The following DNAJC1 variants were observed in gnomAD, a reference collection of about 807,000 sequenced individuals.
The protein encoded by DNAJC1 is dnaJ homolog subfamily C member 1.
Under a neutral mutation model 76.6 loss-of-function variants are expected in DNAJC1, and 58 were observed. That is an observed-to-expected ratio of 0.76 (90% CI 0.61 to 0.94). The LOEUF is 0.94. Ranked by LOEUF, DNAJC1 falls within the 40% of genes least tolerant of loss-of-function variation. The probability of loss-of-function intolerance (pLI) is 0.00; values close to 1 mark genes in which losing one functional copy is unlikely to be tolerated. For missense variants in DNAJC1, 689 were observed against 677.3 expected, an observed-to-expected ratio of 1.02 and a Z score of -0.19; for synonymous variants, 258 against 267.9, an observed-to-expected ratio of 0.96 and a Z score of 0.36.
chr10:21,825,544 C>T (rs1192204391), intron 8 of DNAJC1, among the ~76,000 whole-genome samples: 2 of 152,172 alleles, frequency 1.3e-5, no homozygotes, highest in African/African-American at 4.8e-5. Flanking sequence ...GAGTGTACAC[C>T]TATGAGCGGA....
chr10:21,825,219 C>T (rs1042298784), intron 8 of DNAJC1, among the ~76,000 whole-genome samples: 26 of 152,200 alleles, frequency 1.7e-4, no homozygotes, highest in African/African-American at 5.8e-4. Context: ...TAAACAATAA[C>T]CCCCTGTCTC....
chr10:21,781,850 T>C (rs1218691043), intron 9 of DNAJC1, among the ~76,000 whole-genome samples: 2 of 150,556 alleles, frequency 1.3e-5, no homozygotes, highest in African/African-American at 2.5e-5. Flanking sequence ...TTGAAACCAA[T>C]GAGAACAAAG....
At chr10:21,800,228 T>C (rs1834798752) in intron 9 of DNAJC1, among the ~76,000 whole-genome samples, 1 of 152,170 alleles carries the variant, frequency 6.6e-6, no homozygotes, top group African/African-American at 2.4e-5. Context: ...CAAAGATCAA[T>C]ACTATAACAC....
At chr10:21,833,923 G>A (rs1835403824) in intron 8 of DNAJC1, among the ~76,000 whole-genome samples, 1 of 152,124 alleles carries the variant, frequency 6.6e-6, no homozygotes, top group Non-Finnish European at 1.5e-5. Flanking sequence ...TCAGACAGGG[G>A]AAAGATCACT....
chr10:21,774,615 A>G (rs751300344), intron 9 of DNAJC1, among the ~76,000 whole-genome samples: 2 of 152,062 alleles, frequency 1.3e-5, no homozygotes, highest in Non-Finnish European at 2.9e-5. Context: ...GCTGGGACTA[A>G]AGGCGCCCAC....
intron 1 of DNAJC1, among the ~76,000 whole-genome samples, chr10:21,999,699 C>A (rs1010961011): frequency 6.6e-6 from 1 of 151,978 alleles, no homozygotes; most frequent in Non-Finnish European, 1.5e-5. Flanking sequence ...GTGATCCACC[C>A]GCCTCAGCCT....
At chr10:21,828,305 C>T (rs576956982) in intron 8 of DNAJC1, among the ~76,000 whole-genome samples, 2 of 152,206 alleles carry the variant, frequency 1.3e-5, no homozygotes, top group South Asian at 4.1e-4. Context: ...AGATCAGAAA[C>T]TTAGAATCAA....
intron 1 of DNAJC1, among the ~76,000 whole-genome samples, chr10:21,994,745 C>G (rs766014130): frequency 7.2e-5 from 11 of 151,878 alleles, no homozygotes; most frequent in South Asian, 4.1e-4. Flanking sequence ...AAGCCGAGAT[C>G]GCGCCACTGC....
chr10:21,860,769 A>G lies in DNAJC1; in HGVS notation c.978+21513T>C, dbSNP rs76787385. Reference sequence around the variant, plus strand: ...CTAGAATTCAAGTCTCCCAACCTTTAGAGACCAGGATCTTGTCTCCCACTC... The same window carrying G: ...CTAGAATTCAAGTCTCCCAACCTTTGGAGACCAGGATCTTGTCTCCCACTC... On this transcript the variant is annotated intron_variant, in intron 8 of 11. Coordinates refer to ENST00000376980, the MANE Select transcript of DNAJC1 (RefSeq NM_022365.4). 9.4e-3 allele frequency: 1,494 copies of G among 158,768 alleles called. 18 individuals are homozygous for G. Among genetic ancestry groups the G allele is most frequent in the African/African-American group, 0.034 (1,419 of 41,620 alleles). The allele number at this position is 158,768 out of a possible 1,614,324, so 9.8% of individuals were successfully genotyped here.
chr10:21,952,613 T>C (rs1837617543), intron 1 of DNAJC1, among the ~76,000 whole-genome samples: 1 of 152,148 alleles, frequency 6.6e-6, no homozygotes, highest in Non-Finnish European at 1.5e-5. Flanking sequence ...ACAAAAATTA[T>C]CCAGGCATAG....
intron 9 of DNAJC1, among the ~76,000 whole-genome samples, chr10:21,786,491 G>GAGAGAGAGAGAGAGAGAGAGAGAC (rs1387218789): frequency 2.1e-5 from 3 of 143,124 alleles, no homozygotes; most frequent in Admixed American, 7.0e-5. Context: ...GAGAGAGAGA[G>GAGAGAGAGAGAGAGAGAGAGAGAC]AGAGAGAGAG....
At chr10:21,834,261 C>T (rs539420343) in intron 8 of DNAJC1, among the ~76,000 whole-genome samples, 6 of 151,310 alleles carry the variant, frequency 4.0e-5, no homozygotes, top group African/African-American at 1.5e-4. Flanking sequence ...AAGACTCCAT[C>T]TCAAAAAAAA....
At position 21,756,714 on chromosome 10, in the gene DNAJC1, G is replaced by T; in HGVS notation, c.1638C>A (p.Val546=). The T allele has an allele frequency of 6.2e-7, 1 of 1,613,378 alleles. No individual in the cohort carries two copies. Among genetic ancestry groups the T allele is most frequent in the South Asian group, 1.1e-5 (1 of 91,046 alleles). ...AGCTTTTAGCTTGTTTTTTCTTTTG[G>T]ACCAGTTCAACCAGCAACTTGTACC... ...IARYKLLVEL[V]QKKKQAKS Residue 546 remains valine (V), a synonymous_variant, in exon 12 of 12, where the codon GTC becomes GTA. Transcript: ENST00000376980.
chr10:21,772,207 C>T (rs537123025), intron 9 of DNAJC1, among the ~76,000 whole-genome samples: 17 of 144,236 alleles, frequency 1.2e-4, no homozygotes, highest in Non-Finnish European at 2.4e-4. Context: ...CTTGTGATGT[C>T]TTTGGTTTTG....
intron 8 of DNAJC1, among the ~76,000 whole-genome samples, chr10:21,811,276 A>C (rs1264578604): frequency 6.6e-6 from 1 of 152,214 alleles, no homozygotes. Context: ...ATTGACTCTC[A>C]TAGCACCCAC....
chr10:21,895,968 C>A (rs1200369238), intron 7 of DNAJC1, among the ~76,000 whole-genome samples: 1 of 152,212 alleles, frequency 6.6e-6, no homozygotes, highest in Non-Finnish European at 1.5e-5. Context: ...CTTCAGGGGG[C>A]ACAAGCAGTA....
chr10:21,985,956 G>A (rs369214884), intron 1 of DNAJC1, among the ~76,000 whole-genome samples: 23 of 152,030 alleles, frequency 1.5e-4, no homozygotes, highest in African/African-American at 4.1e-4. Flanking sequence ...GGCCGGGCAC[G>A]GTGGCTCACG....
At chr10:21,874,393 A>G (rs531142106) in intron 8 of DNAJC1, among the ~76,000 whole-genome samples, 5 of 152,152 alleles carry the variant, frequency 3.3e-5, no homozygotes, top group African/African-American at 9.6e-5. Flanking sequence ...GTGCTCCAGC[A>G]GCCTGGGCAA....
At position 21,797,038 on chromosome 10, in the gene DNAJC1, G is replaced by A. The variant is rs148879009; in HGVS notation, c.1098+8942C>T. Reference sequence around the variant, plus strand: ...ATCACTGTGAAGACCAATGTCATGAGGCTTTCTCCTATATTTTCTTCTAGG... The same window carrying A: ...ATCACTGTGAAGACCAATGTCATGAAGCTTTCTCCTATATTTTCTTCTAGG... On this transcript the variant is annotated intron_variant, in intron 9 of 11. Transcript: ENST00000376980. Among the ~76,000 whole-genome samples the A allele has an allele frequency of 2.8e-3, 430 of 152,172 alleles. 3 individuals are homozygous for A. The highest frequency in any genetic ancestry group is 4.6e-3 in the Non-Finnish European group (315 of 68,010).
Sources: gnomAD v4.1 joint callset for allele counts (sites outside exome capture counted in the v4.1 genomes callset) on GRCh38, gnomAD v4.1.1 for gene constraint, MANE v1.5 for transcripts, NCBI Gene and HGNC (gene_info 2026-07-23, HGNC 2026-07-21) for gene names.